Variants in SOX6 observed in about 807,000 individuals in gnomAD.
The protein encoded by SOX6 is transcription factor SOX-6.
A neutral mutation model predicts 97.8 loss-of-function variants in SOX6; 11 were observed. The ratio of observed to expected loss-of-function variants is 0.11; its 90% CI spans 0.07 to 0.19. SOX6 has a LOEUF of 0.19. SOX6 is among the 10% of genes least tolerant of loss of function. The pLI is 1.00. For missense variants in SOX6, 810 were observed against 1,039.5 expected (o/e 0.78, Z 3.04); for synonymous variants, 360 against 371.4 (o/e 0.97, Z 0.35).
At position 15,972,832 on chromosome 11, in the gene SOX6, G is replaced by A; in HGVS notation, c.2464C>T (p.Pro822Ser). 6.2e-7 allele frequency: 1 copy of A among 1,614,162 alleles called. No individual in the cohort carries two copies. The highest frequency in any genetic ancestry group is 8.5e-7 in the Non-Finnish European group (1 of 1,180,026). The change falls in exon 16 of 16, where the codon CCG (proline) becomes TCG (serine). Residue 822 changes from proline (P) to serine (S), a missense_variant. Around this residue, in one of 9 missense-constraint regions of SOX6, gnomAD observed 122 missense variants for 153.4 expected, o/e 0.80. Coordinates refer to ENST00000683767, the MANE Select transcript of SOX6 (RefSeq NM_001367873.1). ...CCTCAGTTGGCACTGACAGCCTCCGGGGCTTCATTTTCACTGCTATAGTCT... is the reference window on the plus strand; with the variant it reads ...CCTCAGTTGGCACTGACAGCCTCCGAGGCTTCATTTTCACTGCTATAGTCT... ...KSDYSSENEAPEAVSAN is the reference protein window; with the variant it reads ...KSDYSSENEASEAVSAN
intron 4 of SOX6, among the ~76,000 whole-genome samples, chr11:16,567,553 AT>A (rs143314547): frequency 0.2 from 20,990 of 105,592 alleles, 3,349 homozygotes; most frequent in Non-Finnish European, 0.26. Flanking sequence ...GGTATGTCAT[AT>A]TTTTTTCTTT....
At chr11:16,413,725 T>C (rs1858870711) in intron 1 of SOX6, among the ~76,000 whole-genome samples, 1 of 151,734 alleles carries the variant, frequency 6.6e-6, no homozygotes, top group African/African-American at 2.4e-5. Flanking sequence ...TTCACCATGT[T>C]CTCCAGGCTG....
intron 9 of SOX6, among the ~76,000 whole-genome samples, chr11:16,095,524 C>T (rs148342581): frequency 2.6e-5 from 4 of 151,950 alleles, no homozygotes; most frequent in Admixed American, 6.6e-5. Context: ...ATAACCTTGA[C>T]TCAACGAATA....
intron 1 of SOX6, among the ~76,000 whole-genome samples, chr11:16,462,612 T>C (rs1017044439): frequency 2.0e-5 from 3 of 152,212 alleles, no homozygotes; most frequent in Admixed American, 6.5e-5. Flanking sequence ...TTCCTCTCAA[T>C]TGTATTTATT....
intron 9 of SOX6, among the ~76,000 whole-genome samples, chr11:16,063,496 T>A (rs1374343621): frequency 1.5e-3 from 54 of 35,670 alleles, no homozygotes; most frequent in African/African-American, 3.0e-3. Flanking sequence ...TACCATAATT[T>A]TATATATATA....
chr11:16,140,477 A>G (rs935666064), intron 6 of SOX6, among the ~76,000 whole-genome samples: 1 of 152,240 alleles, frequency 6.6e-6, no homozygotes, highest in Non-Finnish European at 1.5e-5. Context: ...CCTGGCTCCA[A>G]CTAATTAGAT....
chr11:16,100,750 CT>C (rs1000262588), intron 7 of SOX6, among the ~76,000 whole-genome samples: 5 of 148,938 alleles, frequency 3.4e-5, no homozygotes, highest in African/African-American at 1.0e-4. Context: ...TAAAGTCTAC[CT>C]TTTAAAAAAA....
At chr11:16,379,799 AC>A (rs1428791857) in intron 1 of SOX6, among the ~76,000 whole-genome samples, 76 of 152,264 alleles carry the variant, frequency 5.0e-4, no homozygotes, top group African/African-American at 1.8e-3. Context: ...AGATGAGTTT[AC>A]TGCAATATTG....
chr11:16,521,075 C>T (rs1323282409), intron 4 of SOX6, among the ~76,000 whole-genome samples: 3 of 152,214 alleles, frequency 2.0e-5, no homozygotes, highest in African/African-American at 7.2e-5. Context: ...GAAAAGACAG[C>T]AGTAACCTCT....
intron 4 of SOX6, among the ~76,000 whole-genome samples, chr11:16,195,828 A>G (rs1851757390): frequency 1.3e-5 from 2 of 152,202 alleles, no homozygotes; most frequent in African/African-American, 4.8e-5. Context: ...TATGAGAAAT[A>G]CACTCAAATA....
At chr11:16,074,671 T>C (rs1197687125) in intron 9 of SOX6, among the ~76,000 whole-genome samples, 2 of 152,194 alleles carry the variant, frequency 1.3e-5, no homozygotes, top group East Asian at 1.9e-4. Flanking sequence ...GGAAGATCTC[T>C]ATAATGAGAA....
At chr11:16,368,054 T>A (rs1259074429) in intron 1 of SOX6, among the ~76,000 whole-genome samples, 2 of 152,166 alleles carry the variant, frequency 1.3e-5, no homozygotes, top group Non-Finnish European at 2.9e-5. Flanking sequence ...TCCATGAACC[T>A]ATTGATGATG....
intron 9 of SOX6, among the ~76,000 whole-genome samples, chr11:16,080,965 T>G (rs1848460180): frequency 1.3e-5 from 2 of 152,210 alleles, no homozygotes; most frequent in South Asian, 4.1e-4. Context: ...GACTCAAGCC[T>G]GTAATTTCAG....
At chr11:16,299,962 G>A (rs747309500) in intron 3 of SOX6, among the ~76,000 whole-genome samples, 8 of 152,114 alleles carry the variant, frequency 5.3e-5, no homozygotes, top group Non-Finnish European at 1.2e-4. Context: ...TTTCCTTAAT[G>A]TGAAATTTGT....
At chr11:16,458,412 T>C (rs1859852664) in intron 1 of SOX6, among the ~76,000 whole-genome samples, 1 of 4,242 alleles carries the variant, frequency 2.4e-4, no homozygotes, top group Admixed American at 5.2e-3. Context: ...CCACAAAAAT[T>C]AAAAATTTAT....
At chr11:15,984,625 G>A (rs892462116) in intron 15 of SOX6, among the ~76,000 whole-genome samples, 2 of 152,094 alleles carry the variant, frequency 1.3e-5, no homozygotes, top group South Asian at 2.1e-4. Flanking sequence ...AGCGTTAAAC[G>A]CATTACCTTT....
chr11:16,502,048 A>T (rs1254559912), intron 4 of SOX6, among the ~76,000 whole-genome samples: 16 of 152,306 alleles, frequency 1.1e-4, no homozygotes, highest in East Asian at 7.7e-4. Context: ...AATAGCAAAG[A>T]CTTGGAACCA....
intron 3 of SOX6, among the ~76,000 whole-genome samples, chr11:16,690,852 C>T (rs757960958): frequency 3.2e-4 from 48 of 152,066 alleles, no homozygotes; most frequent in Non-Finnish European, 1.9e-4. Context: ...TATAGTAACA[C>T]GTTGATTATT....
chr11:16,132,390 GAAAGAAAGAAAAAAGAAAGA>G (rs1564972222), intron 6 of SOX6, among the ~76,000 whole-genome samples: 1 of 71,068 alleles, frequency 1.4e-5, no homozygotes, highest in Non-Finnish European at 2.6e-5. Context: ...AAGAAAGAAA[GAAAGAAAGAAAAAAGAAAGA>G]AAGAAAGAAA....
Sources: allele counts gnomAD v4.1 joint callset (sites outside exome capture counted in the v4.1 genomes callset), GRCh38; gene constraint gnomAD v4.1.1; regional missense constraint gnomAD v4.1.1; transcripts MANE v1.5; gene names NCBI Gene and HGNC (gene_info 2026-07-23, HGNC 2026-07-21).